Variants in AKAP6 observed in about 807,000 individuals in gnomAD.
AKAP6 encodes the protein A-kinase anchor protein 6.
AKAP6 carries 58 observed loss-of-function variants against 188.5 expected under a neutral mutation model. That is an observed-to-expected ratio of 0.31 (90% CI 0.25 to 0.38). The LOEUF is 0.38. Among genes scored for constraint, AKAP6 ranks in the 10% least tolerant of loss-of-function variants. The pLI is 1.00. For synonymous variants in AKAP6, 989 were observed against 998.6 expected, an observed-to-expected ratio of 0.99 and a Z score of 0.18; for missense variants, 2,710 against 2,740.0, an observed-to-expected ratio of 0.99 and a Z score of 0.24.
At chr14:32,465,088 T>C (rs1483364149) in intron 2 of AKAP6, among the ~76,000 whole-genome samples, 3 of 151,942 alleles carry the variant, frequency 2.0e-5, no homozygotes, top group Middle Eastern at 3.2e-3. Flanking sequence ...GGAAACAAGA[T>C]AGGACACAAA....
chr14:32,612,359 T>C (rs1886383459), intron 7 of AKAP6, among the ~76,000 whole-genome samples: 1 of 152,162 alleles, frequency 6.6e-6, no homozygotes, highest in Non-Finnish European at 1.5e-5. Flanking sequence ...TGTATTTTAG[T>C]AAATTTTGTT....
chr14:32,603,327 A>G (rs1194397744), intron 7 of AKAP6, among the ~76,000 whole-genome samples: 1 of 152,126 alleles, frequency 6.6e-6, no homozygotes, highest in African/African-American at 2.4e-5. Flanking sequence ...AGATGGCACA[A>G]TGACCTAAAT....
intron 12 of AKAP6, among the ~76,000 whole-genome samples, chr14:32,784,458 C>A (rs1232101994): frequency 6.6e-6 from 1 of 152,118 alleles, no homozygotes; most frequent in Non-Finnish European, 1.5e-5. Flanking sequence ...TGCAAAATTG[C>A]TAACACAAGA....
intron 11 of AKAP6, among the ~76,000 whole-genome samples, chr14:32,749,512 G>A (rs1258269957): frequency 6.6e-6 from 1 of 152,028 alleles, no homozygotes; most frequent in African/African-American, 2.4e-5. Flanking sequence ...TTCCTTTCTA[G>A]CATTGTAATA....
At chr14:32,756,933 G>T (rs563600133) in intron 11 of AKAP6, among the ~76,000 whole-genome samples, 26 of 152,236 alleles carry the variant, frequency 1.7e-4, no homozygotes, top group African/African-American at 6.0e-4. Flanking sequence ...GCCTGACAGT[G>T]GGGGAGGCTT....
chr14:32,689,134 A>G (rs921150684), intron 8 of AKAP6, among the ~76,000 whole-genome samples: 1 of 152,214 alleles, frequency 6.6e-6, no homozygotes, highest in Non-Finnish European at 1.5e-5. Flanking sequence ...CTACTGATTT[A>G]AAAATTCTTC....
intron 1 of AKAP6, among the ~76,000 whole-genome samples, chr14:32,391,072 C>T (rs116476284): frequency 1.7e-3 from 262 of 152,200 alleles, no homozygotes; most frequent in African/African-American, 6.1e-3. Flanking sequence ...ACAGTTGTTC[C>T]CTGAGACCCA....
chr14:32,386,417 C>A (rs1384027287), intron 1 of AKAP6, among the ~76,000 whole-genome samples: 6 of 152,034 alleles, frequency 3.9e-5, no homozygotes, highest in Non-Finnish European at 7.4e-5. Context: ...TGATAATTGT[C>A]TCTTCGTATC....
chr14:32,715,224 A>C (rs1189141576), intron 9 of AKAP6, among the ~76,000 whole-genome samples: 1 of 152,044 alleles, frequency 6.6e-6, no homozygotes, highest in Non-Finnish European at 1.5e-5. Flanking sequence ...TTTATCACAT[A>C]TATTTTGAAA....
chr14:32,510,426 A>G (rs867698671), intron 2 of AKAP6, among the ~76,000 whole-genome samples: 1,702 of 69,506 alleles, frequency 0.024, 73 homozygotes, highest in African/African-American at 0.11. Flanking sequence ...ATATATATAC[A>G]TATATATATG....
intron 5 of AKAP6, among the ~76,000 whole-genome samples, chr14:32,588,924 T>C (rs1885366864): frequency 6.6e-6 from 1 of 152,248 alleles, no homozygotes. Context: ...TTTTTAGCCA[T>C]ACAGGAAAAT....
intron 11 of AKAP6, among the ~76,000 whole-genome samples, chr14:32,755,810 C>A (rs1180241438): frequency 6.6e-6 from 1 of 152,126 alleles, no homozygotes; most frequent in East Asian, 1.9e-4. Flanking sequence ...CCAGCCAAGA[C>A]AATTATTTTT....
At chr14:32,365,417 C>A (rs1397694890) in intron 1 of AKAP6, among the ~76,000 whole-genome samples, 1 of 152,166 alleles carries the variant, frequency 6.6e-6, no homozygotes, top group East Asian at 1.9e-4. Flanking sequence ...CTCACCAGGA[C>A]TTATTGACAC....
intron 9 of AKAP6, among the ~76,000 whole-genome samples, chr14:32,724,362 T>C (rs933561036): frequency 8.5e-5 from 13 of 152,216 alleles, no homozygotes; most frequent in African/African-American, 3.1e-4. Context: ...TCCGTGCTTC[T>C]AAATGATTGC....
rs185742657 is a variant in AKAP6 at position 32,693,242 on chromosome 14, C to T, written c.2880-2748C>T. On this transcript the variant is annotated intron_variant, in intron 8 of 13. Coordinates refer to ENST00000280979, the MANE Select transcript of AKAP6 (RefSeq NM_004274.5). ...GTTACCTCTTGGCTTGGTCAGGGAC[C>T]GGTGGTATTTCTTGCTGACTAAGCC... 2.5e-3 allele frequency among the ~76,000 whole-genome samples: 381 copies of T among 152,054 alleles called. 6 individuals are homozygous for T. The highest frequency in any genetic ancestry group is 8.2e-4 in the Non-Finnish European group (56 of 67,986).
intron 7 of AKAP6, among the ~76,000 whole-genome samples, chr14:32,615,786 G>A (rs1886552329): frequency 6.6e-6 from 1 of 151,786 alleles, no homozygotes. Flanking sequence ...TAGAGAGACG[G>A]GGTTTCACCA....
chr14:32,778,142 C>T (rs1186285778), intron 12 of AKAP6, among the ~76,000 whole-genome samples: 3 of 152,210 alleles, frequency 2.0e-5, no homozygotes, highest in Non-Finnish European at 2.9e-5. Context: ...TTCATTAAAA[C>T]CTGAGGATAT....
chr14:32,827,753 T>G (rs191639148), intron 13 of AKAP6, among the ~76,000 whole-genome samples: 49 of 152,318 alleles, frequency 3.2e-4, no homozygotes, highest in African/African-American at 1.0e-3. Context: ...GCCTCAGAGA[T>G]GTACTTTGCG....
chr14:32,541,246 T>C (rs1882940771), intron 3 of AKAP6, among the ~76,000 whole-genome samples: 1 of 152,054 alleles, frequency 6.6e-6, no homozygotes, highest in Non-Finnish European at 1.5e-5. Flanking sequence ...TTTTCTTTTC[T>C]AAACCAGGAA....
Sources: allele counts gnomAD v4.1 joint callset (sites outside exome capture counted in the v4.1 genomes callset), GRCh38; gene constraint gnomAD v4.1.1; transcripts MANE v1.5; gene names NCBI Gene and HGNC (gene_info 2026-07-23, HGNC 2026-07-21).